Variants in WNK1 observed in about 807,000 individuals in gnomAD.
The protein encoded by WNK1 is serine/threonine-protein kinase WNK1.
A neutral mutation model predicts 222.8 loss-of-function variants in WNK1; 38 were observed. The observed-to-expected ratio is 0.17, with a 90% CI of 0.13 to 0.22. WNK1 has a LOEUF of 0.22. Among genes scored for constraint, WNK1 ranks in the 10% least tolerant of loss-of-function variants. The pLI is 1.00. For missense variants in WNK1, 2,348 were observed against 2,918.4 expected, an observed-to-expected ratio of 0.80 and a Z score of 4.50; for synonymous variants, 1,090 against 1,092.9, an observed-to-expected ratio of 1.00 and a Z score of 0.05.
intron 1 of WNK1, among the ~76,000 whole-genome samples, chr12:800,405 T>G (rs1388079879): frequency 6.6e-6 from 1 of 152,056 alleles, no homozygotes; most frequent in African/African-American, 2.4e-5. Flanking sequence ...AGCATTCAGG[T>G]TTTTTTGCTA....
intron 4 of WNK1, among the ~76,000 whole-genome samples, chr12:838,109 G>A (rs905650558): frequency 2.0e-5 from 3 of 148,128 alleles, no homozygotes; most frequent in Non-Finnish European, 3.0e-5. Flanking sequence ...GTGTGTGTGT[G>A]TATGTATAAA....
chr12:881,497 G>A, intron 12 of WNK1, 195 bp from the exon 13 acceptor site: 1 of 627,878 alleles, frequency 1.6e-6, no homozygotes, highest in South Asian at 1.8e-5. Flanking sequence ...GTCTATACCA[G>A]AGACTAGCTT....
intron 4 of WNK1, among the ~76,000 whole-genome samples, chr12:849,840 A>G (rs1158770643): frequency 6.6e-6 from 1 of 151,838 alleles, no homozygotes; most frequent in Non-Finnish European, 1.5e-5. Flanking sequence ...TCCTTGCGAT[A>G]GTTTGCTGAG....
chr12:849,837 G>C (rs1207538435), intron 4 of WNK1, among the ~76,000 whole-genome samples: 1 of 151,638 alleles, frequency 6.6e-6, no homozygotes, highest in East Asian at 1.9e-4. Flanking sequence ...TTGTCCTTGC[G>C]ATAGTTTGCT....
intron 2 of WNK1, among the ~76,000 whole-genome samples, chr12:819,863 T>G (rs555575339): frequency 4.3e-4 from 66 of 152,318 alleles, no homozygotes; most frequent in Middle Eastern, 6.8e-3. Flanking sequence ...TCTCAAAAAT[T>G]ATTTAATCAT....
intron 1 of WNK1, among the ~76,000 whole-genome samples, chr12:764,755 G>A (rs1222484660): frequency 1.4e-5 from 2 of 146,422 alleles, no homozygotes; most frequent in Non-Finnish European, 3.0e-5. Flanking sequence ...CTCAGTAAGG[G>A]GGAGGTTGAA....
intron 4 of WNK1, among the ~76,000 whole-genome samples, chr12:834,964 CTA>C (rs780696475): frequency 6.6e-6 from 1 of 152,134 alleles, no homozygotes; most frequent in Non-Finnish European, 1.5e-5. Flanking sequence ...GTACGCGTGT[CTA>C]TGTGTATGCA....
intron 9 of WNK1, among the ~76,000 whole-genome samples, chr12:874,260 G>A (rs1287949619): frequency 6.6e-6 from 1 of 152,136 alleles, no homozygotes; most frequent in African/African-American, 2.4e-5. Flanking sequence ...ATGCTAAACT[G>A]TTAAGCTAGA....
intron 4 of WNK1, among the ~76,000 whole-genome samples, chr12:851,076 T>C (rs1278850684): frequency 2.0e-5 from 3 of 152,322 alleles, no homozygotes; most frequent in East Asian, 3.9e-4. Context: ...GAGGAACTAT[T>C]ATCTCCACTT....
chr12:790,937 A>G (rs1944771001), intron 1 of WNK1, among the ~76,000 whole-genome samples: 1 of 152,184 alleles, frequency 6.6e-6, no homozygotes, highest in Non-Finnish European at 1.5e-5. Context: ...ATTTGACTAG[A>G]AAAGCTAGGT....
intron 4 of WNK1, among the ~76,000 whole-genome samples, chr12:845,424 G>A (rs1039936401): frequency 6.6e-6 from 1 of 152,016 alleles, no homozygotes. Context: ...GTATACCCTG[G>A]CTATTAGTAA....
intron 1 of WNK1, among the ~76,000 whole-genome samples, chr12:795,053 A>G (rs969763633): frequency 1.1e-4 from 16 of 152,178 alleles, no homozygotes; most frequent in African/African-American, 3.6e-4. Context: ...TGCCTGGCCA[A>G]GATACTGTCC....
intron 26 of WNK1, chr12:906,311 C>T (rs1441344454): frequency 2.0e-6 from 2 of 985,178 alleles, no homozygotes; most frequent in African/African-American, 1.7e-5. Flanking sequence ...TTGGAATAAT[C>T]TTCAGTGTGC....
intron 1 of WNK1, among the ~76,000 whole-genome samples, chr12:784,504 AT>A (rs1490181032): frequency 1.3e-5 from 2 of 152,242 alleles, no homozygotes; most frequent in African/African-American, 4.8e-5. Context: ...GTTGACATTT[AT>A]TTTTTATTTT....
intron 25 of WNK1, among the ~76,000 whole-genome samples, chr12:899,950 C>T (rs1171579498): frequency 2.0e-5 from 3 of 151,086 alleles, no homozygotes; most frequent in East Asian, 1.9e-4. Flanking sequence ...TGTGGCCCAT[C>T]TAGGTTTTCT....
chr12:901,595 G>A, intron 26 of WNK1: 1 of 1,289,122 alleles, frequency 7.8e-7, no homozygotes, highest in Non-Finnish European at 1.0e-6. Context: ...CTGAACAGGT[G>A]ACATTCAAAC....
intron 4 of WNK1, among the ~76,000 whole-genome samples, chr12:856,253 G>A (rs752391695): frequency 6.6e-6 from 1 of 151,704 alleles, no homozygotes; most frequent in Non-Finnish European, 1.5e-5. Context: ...TTCGAGACCA[G>A]CCTGGCCAAC....
intron 25 of WNK1, among the ~76,000 whole-genome samples, chr12:898,258 G>A (rs1213835096): frequency 6.6e-6 from 1 of 152,060 alleles, no homozygotes; most frequent in Non-Finnish European, 1.5e-5. Context: ...GCTGAGGCAG[G>A]CAGATCACGA....
intron 26 of WNK1, 118 bp from the exon 27 acceptor site, chr12:907,729 C>T: frequency 4.0e-6 from 5 of 1,237,924 alleles, no homozygotes; most frequent in Non-Finnish European, 4.7e-6. Flanking sequence ...TGCATGGCTT[C>T]CCAGTTCATC....
Sources: gnomAD v4.1 joint callset for allele counts (sites outside exome capture counted in the v4.1 genomes callset) on GRCh38, gnomAD v4.1.1 for gene constraint, MANE v1.5 for transcripts, NCBI Gene and HGNC (gene_info 2026-07-23, HGNC 2026-07-21) for gene names.